Variants in MACROD2 observed in about 807,000 individuals in gnomAD.
MACROD2 encodes the protein ADP-ribose glycohydrolase MACROD2.
MACROD2 carries 36 observed loss-of-function variants against 70.4 expected under a neutral mutation model. The observed-to-expected ratio is 0.51, with a 90% CI of 0.39 to 0.68. The LOEUF (loss-of-function observed/expected upper bound fraction) is 0.68, where lower values mean the gene tolerates loss of function less well. Ranked by LOEUF, MACROD2 falls within the 30% of genes least tolerant of loss-of-function variation. The probability of loss-of-function intolerance (pLI) is 0.00; values close to 1 mark genes in which losing one functional copy is unlikely to be tolerated. For synonymous variants in MACROD2, 172 were observed against 178.8 expected, an observed-to-expected ratio of 0.96 and a Z score of 0.30; for missense variants, 496 against 538.4, an observed-to-expected ratio of 0.92 and a Z score of 0.78.
At chr20:14,544,653 T>C (rs1474218411) in intron 4 of MACROD2, among the ~76,000 whole-genome samples, 1 of 152,072 alleles carries the variant, frequency 6.6e-6, no homozygotes. Context: ...ATAAGTAATT[T>C]ATGTGAGAGG....
chr20:14,743,195 C>A (rs970210400), intron 5 of MACROD2, among the ~76,000 whole-genome samples: 1 of 152,086 alleles, frequency 6.6e-6, no homozygotes, highest in Non-Finnish European at 1.5e-5. Flanking sequence ...TTAGACACAG[C>A]TTTCCAATAA....
intron 5 of MACROD2, among the ~76,000 whole-genome samples, chr20:15,032,466 A>G (rs1461466314): frequency 1.3e-5 from 2 of 152,322 alleles, no homozygotes; most frequent in East Asian, 3.9e-4. Context: ...CGATTGCCCA[A>G]CAGAGTAGGA....
At chr20:15,594,222 T>G (rs563672819) in intron 8 of MACROD2, among the ~76,000 whole-genome samples, 1 of 152,308 alleles carries the variant, frequency 6.6e-6, no homozygotes, top group Non-Finnish European at 1.5e-5. Context: ...TTTCTCTCTT[T>G]TTTCCTTTCC....
intron 2 of MACROD2, among the ~76,000 whole-genome samples, chr20:14,010,144 T>G (rs1162046213): frequency 6.6e-6 from 1 of 151,834 alleles, no homozygotes; most frequent in African/African-American, 2.4e-5. Flanking sequence ...AGTTGGAAAT[T>G]AAAAAAAAAT....
intron 3 of MACROD2, among the ~76,000 whole-genome samples, chr20:14,306,335 T>C (rs2082520855): frequency 1.3e-5 from 2 of 152,098 alleles, no homozygotes. Flanking sequence ...AAGTTATTGA[T>C]AAAAAGCTTG....
intron 10 of MACROD2, among the ~76,000 whole-genome samples, chr20:15,907,176 C>T (rs182003628): frequency 7.0e-4 from 106 of 152,242 alleles, no homozygotes; most frequent in African/African-American, 2.0e-3. Context: ...AGTAGAGAAG[C>T]GTATTTGGAA....
intron 3 of MACROD2, among the ~76,000 whole-genome samples, chr20:14,255,704 A>G (rs187059816): frequency 0.047 from 4,345 of 91,706 alleles, 108 homozygotes; most frequent in Non-Finnish European, 0.082. Flanking sequence ...TAAATAAATA[A>G]ATAAATAAAT....
intron 5 of MACROD2, among the ~76,000 whole-genome samples, chr20:15,020,982 ATG>A (rs2075163311): frequency 6.9e-6 from 1 of 145,850 alleles, no homozygotes; most frequent in Non-Finnish European, 1.5e-5. Flanking sequence ...ACATATACAC[ATG>A]TGTGTATATG....
intron 6 of MACROD2, among the ~76,000 whole-genome samples, chr20:15,406,400 G>A (rs1180720437): frequency 6.6e-6 from 1 of 152,176 alleles, no homozygotes; most frequent in African/African-American, 2.4e-5. Flanking sequence ...CATGTTACCA[G>A]ATGAGCCTCA....
At chr20:15,782,197 G>A (rs2147040141) in intron 8 of MACROD2, among the ~76,000 whole-genome samples, 1 of 152,162 alleles carries the variant, frequency 6.6e-6, no homozygotes, top group Non-Finnish European at 1.5e-5. Flanking sequence ...AAATGAGACA[G>A]GACATAGAAA....
intron 7 of MACROD2, among the ~76,000 whole-genome samples, chr20:15,463,713 C>T (rs547192745): frequency 6.6e-6 from 1 of 152,270 alleles, no homozygotes; most frequent in Non-Finnish European, 1.5e-5. Flanking sequence ...TGTGCCACTG[C>T]ACTCCAGCCT....
intron 3 of MACROD2, among the ~76,000 whole-genome samples, chr20:14,456,566 A>G (rs2084304515): frequency 6.6e-6 from 1 of 151,808 alleles, no homozygotes; most frequent in Non-Finnish European, 1.5e-5. Context: ...CTAGGCTTAT[A>G]TTCATTAGCC....
rs56752104 is a variant in MACROD2 at position 15,206,721 on chromosome 20, G to GTTT, written c.419-23195_419-23193dup. ...GCATGAAGTCTTTCATATTATCTATGTTTTTTTTTTTTTTTTTTTTTTTTT... is the reference window on the plus strand; with the variant it reads ...GCATGAAGTCTTTCATATTATCTATGTTTTTTTTTTTTTTTTTTTTTTTTTTTT... On this transcript the variant is annotated intron_variant, in intron 5 of 17. Coordinates refer to ENST00000684519, the MANE Select transcript of MACROD2 (RefSeq NM_001351661.2). Among the ~76,000 whole-genome samples the GTTT allele has an allele frequency of 9.1e-4, 30 of 32,984 alleles. 10 individuals are homozygous for GTTT. The highest frequency in any genetic ancestry group is 3.4e-3 in the African/African-American group (22 of 6,528). The allele number at this position is 32,984 out of a possible 152,430, so 21.6% of individuals were successfully genotyped here. A position where few individuals can be genotyped will look rare whatever the true frequency, so the allele number is the denominator to read the frequency against.
At chr20:15,273,717 G>A (rs544793868) in intron 6 of MACROD2, among the ~76,000 whole-genome samples, 2 of 152,206 alleles carry the variant, frequency 1.3e-5, no homozygotes, top group South Asian at 4.1e-4. Flanking sequence ...ATTGGCTCTG[G>A]CAATTTGGGT....
intron 5 of MACROD2, among the ~76,000 whole-genome samples, chr20:14,758,886 T>G (rs2071978130): frequency 6.6e-6 from 1 of 152,128 alleles, no homozygotes; most frequent in African/African-American, 2.4e-5. Context: ...TTAGGTTGGC[T>G]TCTATAACTC....
chr20:14,197,218 T>C (rs1048861497), intron 3 of MACROD2, among the ~76,000 whole-genome samples: 1 of 152,212 alleles, frequency 6.6e-6, no homozygotes, highest in Admixed American at 6.5e-5. Context: ...AGCATTAAGA[T>C]GCATTCTTTG....
chr20:15,674,450 G>A (rs560891474), intron 8 of MACROD2, among the ~76,000 whole-genome samples: 14 of 152,076 alleles, frequency 9.2e-5, no homozygotes, highest in Admixed American at 4.6e-4. Context: ...TGAAATAGGC[G>A]AGTCATCAAT....
At chr20:14,954,909 T>A (rs371143667) in intron 5 of MACROD2, among the ~76,000 whole-genome samples, 44 of 27,128 alleles carry the variant, frequency 1.6e-3, no homozygotes, top group South Asian at 3.8e-3. Context: ...AATTTATATT[T>A]TATATAATTA....
intron 5 of MACROD2, among the ~76,000 whole-genome samples, chr20:14,930,024 T>C (rs1404682858): frequency 2.6e-5 from 4 of 151,582 alleles, no homozygotes; most frequent in African/African-American, 9.7e-5. Context: ...TAGCCGGGCG[T>C]GGTGGCGGGA....
Sources: allele counts gnomAD v4.1 joint callset (sites outside exome capture counted in the v4.1 genomes callset), GRCh38; gene constraint gnomAD v4.1.1; transcripts MANE v1.5; gene names NCBI Gene and HGNC (gene_info 2026-07-23, HGNC 2026-07-21).